The following IQSEC1 variants were observed in gnomAD, a reference collection of about 807,000 sequenced individuals.
IQSEC1 encodes IQ motif and SEC7 domain-containing protein 1.
Under a neutral mutation model 91.0 loss-of-function variants are expected in IQSEC1, and 31 were observed. The ratio of observed to expected loss-of-function variants is 0.34; its 90% CI spans 0.26 to 0.46. The LOEUF (loss-of-function observed/expected upper bound fraction) is 0.46. Ranked by LOEUF, IQSEC1 falls within the 20% of genes least tolerant of loss-of-function variation. The pLI, the probability that IQSEC1 is intolerant of heterozygous loss-of-function variation, is 1.00. For missense variants in IQSEC1, 1,388 were observed against 1,575.6 expected, an observed-to-expected ratio of 0.88 and a Z score of 2.02; for synonymous variants, 699 against 662.6, an observed-to-expected ratio of 1.05 and a Z score of -0.84.
Position 12,908,033 on chromosome 3 carries a change from G to A in IQSEC1, c.2755+316C>T, listed in dbSNP as rs180724871. On this transcript the variant is annotated intron_variant, in intron 12 of 13. Transcript: ENST00000613206. The surrounding 1 kb of genome is among the most constrained non-coding windows in gnomAD (Gnocchi z 4.9). ...ACGGGACACAGCCGCCGGCTCACTC[G>A]GGCTAGAGCGACTTCCCAGATCAAT... Among the ~76,000 whole-genome samples the A allele has an allele frequency of 8.5e-5, 13 of 152,304 alleles. No individual in the cohort carries two copies. Among genetic ancestry groups the A allele is most frequent in the African/African-American group, 3.1e-4 (13 of 41,558 alleles).
chr3:13,203,118 G>A (rs544910457), intron 1 of IQSEC1, among the ~76,000 whole-genome samples: 96 of 151,956 alleles, frequency 6.3e-4, no homozygotes, highest in African/African-American at 2.2e-3. Flanking sequence ...CGGAGGAGAG[G>A]CCAGGGTATT....
Position 12,913,439 on chromosome 3 carries a change from C to T in IQSEC1, c.2305G>A (p.Asp769Asn). 1.9e-6 allele frequency: 3 copies of T among 1,598,276 alleles called. No individual in the cohort carries two copies. Among genetic ancestry groups the T allele is most frequent in the Non-Finnish European group, 2.6e-6 (3 of 1,170,746 alleles). ...LHQREIFLFN[D>N]LLVVTKIFQK... ...GGTGAGCCACATACCACCAGGAGGT[C>T]GTTGAACAGGAAGATTTCTCGCTGG... Residue 769 changes from aspartate (D) to asparagine (N), a missense_variant, in exon 9 of 14, where the codon GAC becomes AAC. Coordinates refer to ENST00000613206, the MANE Select transcript of IQSEC1 (RefSeq NM_001134382.3).
rs1698690824 is a variant in IQSEC1 at position 12,940,946 on chromosome 3, G to A, written c.318+625C>T. ...GAGGCTACCTCTTGTCCTCCCTCAAGCCCAGCCCTAGGCACACTGTGGGTC... is the reference window on the plus strand; with the variant it reads ...GAGGCTACCTCTTGTCCTCCCTCAAACCCAGCCCTAGGCACACTGTGGGTC... On this transcript the variant is annotated intron_variant, in intron 2 of 13. Transcript: ENST00000613206. This position sits in a 1 kb window ranked among gnomAD's most constrained non-coding sequence, Gnocchi z 4.4. 6.6e-6 allele frequency among the ~76,000 whole-genome samples: 1 copy of A among 152,156 alleles called. No homozygotes were observed. Among genetic ancestry groups the A allele is most frequent in the African/African-American group, 2.4e-5 (1 of 41,448 alleles).
chr3:13,079,194 C>T (rs372033542), intron 2 of IQSEC1, among the ~76,000 whole-genome samples: 4 of 152,180 alleles, frequency 2.6e-5, no homozygotes, highest in East Asian at 1.9e-4. Flanking sequence ...GTGTGTAGGG[C>T]GGAGGGACCG....
At chr3:13,270,725 T>C (rs1192142704) in intron 1 of IQSEC1, among the ~76,000 whole-genome samples, 1 of 152,100 alleles carries the variant, frequency 6.6e-6, no homozygotes, top group Non-Finnish European at 1.5e-5. Context: ...AATGGAGGAA[T>C]ATAGGAAGAA....
At chr3:13,180,011 G>A (rs963309225) in intron 1 of IQSEC1, among the ~76,000 whole-genome samples, 1 of 151,776 alleles carries the variant, frequency 6.6e-6, no homozygotes, top group African/African-American at 2.4e-5. Flanking sequence ...CTCTCCGTGG[G>A]CTCCTGTGAG....
chr3:13,228,745 A>G (rs754478837), intron 1 of IQSEC1, among the ~76,000 whole-genome samples: 1 of 152,010 alleles, frequency 6.6e-6, no homozygotes, highest in Non-Finnish European at 1.5e-5. Context: ...TTAGCTCTCT[A>G]AACAAGAAAA....
At chr3:13,075,738 T>C (rs575497142), upstream of IQSEC1, among the ~76,000 whole-genome samples, 16 of 152,326 alleles carry the variant, frequency 1.1e-4, no homozygotes, top group African/African-American at 3.6e-4. Context: ...GGGTAGTGCC[T>C]ACAACCCACC....
intron 1 of IQSEC1, among the ~76,000 whole-genome samples, chr3:13,186,556 C>T (rs1012646903): frequency 2.6e-5 from 4 of 152,138 alleles, no homozygotes; most frequent in South Asian, 2.1e-4. Flanking sequence ...GGGTTGGTGC[C>T]GCCTGCCAGT....
chr3:12,994,424 C>T lies in IQSEC1; in HGVS notation c.24-52559G>A, dbSNP rs1013489052. Among the ~76,000 whole-genome samples the T allele has an allele frequency of 6.6e-6, 1 of 151,974 alleles. No individual in the cohort carries two copies. The highest frequency in any genetic ancestry group is 2.4e-5 in the African/African-American group (1 of 41,392). On this transcript the variant is annotated intron_variant, in intron 1 of 13. Coordinates refer to ENST00000613206, the MANE Select transcript of IQSEC1 (RefSeq NM_001134382.3). This position sits in a 1 kb window ranked among gnomAD's most constrained non-coding sequence, Gnocchi z 4.5. The stretch of plus-strand genomic sequence containing the variant: ...CCCGAGCCTGGACGAGTGGAGGGCG[C>T]TCAGGTCGGTGCAGCCGCTGCAGCG...
chr3:13,047,797 GA>G (rs1457088185), intron 1 of IQSEC1, among the ~76,000 whole-genome samples: 6 of 152,162 alleles, frequency 3.9e-5, no homozygotes, highest in Non-Finnish European at 5.9e-5. Context: ...TCAAGGAGAG[GA>G]AGCGCAGTGG....
chr3:13,165,204 C>G (rs1250557857), intron 1 of IQSEC1, among the ~76,000 whole-genome samples: 1 of 152,170 alleles, frequency 6.6e-6, no homozygotes, highest in Non-Finnish European at 1.5e-5. Flanking sequence ...CTAGAAGGAC[C>G]TTGGTCTCCC....
In IQSEC1 at chr3:12,967,258, A is replaced by G. The variant is rs1366321910; in HGVS notation, c.24-25393T>C. The stretch of plus-strand genomic sequence containing the variant: ...GGCGGACGCACCCCGCCCCGCAGGC[A>G]GCTTTCTCTCGCACGCCGGGCGCCC... On this transcript the variant is annotated intron_variant, in intron 1 of 13. Transcript: ENST00000613206. The surrounding 1 kb of genome is among the most constrained non-coding windows in gnomAD (Gnocchi z 5.9). 1.4e-6 allele frequency: 1 copy of G among 722,128 alleles called. No homozygotes were observed. The highest frequency in any genetic ancestry group is 2.1e-6 in the Non-Finnish European group (1 of 467,168). The allele number at this position is 722,128 out of a possible 1,614,324, so 44.7% of individuals were successfully genotyped here. A position where few individuals can be genotyped will look rare whatever the true frequency, so the allele number is the denominator to read the frequency against.
At chr3:13,171,423 G>A (rs1204781805) in intron 1 of IQSEC1, among the ~76,000 whole-genome samples, 1 of 152,170 alleles carries the variant, frequency 6.6e-6, no homozygotes, top group Non-Finnish European at 1.5e-5. Flanking sequence ...GTAATTCTGA[G>A]TTCTTTCTCT....
At chr3:13,191,669 T>G (rs899352491) in intron 1 of IQSEC1, among the ~76,000 whole-genome samples, 6 of 152,220 alleles carry the variant, frequency 3.9e-5, no homozygotes, top group African/African-American at 1.4e-4. Context: ...TTATTCTTAT[T>G]TCTTAGATAA....
intron 2 of IQSEC1, among the ~76,000 whole-genome samples, chr3:13,134,347 C>G (rs192898467): frequency 6.6e-6 from 1 of 152,236 alleles, no homozygotes; most frequent in Non-Finnish European, 1.5e-5. Flanking sequence ...TGATCCCATA[C>G]AGTGGGAGCC....
chr3:12,973,435 CCTTA>C (rs1384377827), intron 1 of IQSEC1, among the ~76,000 whole-genome samples: 3 of 152,190 alleles, frequency 2.0e-5, no homozygotes, highest in African/African-American at 4.8e-5. Context: ...AGCAAGAACC[CCTTA>C]CTTAAGACTG....
In IQSEC1 at chr3:12,924,594, G is replaced by A. The variant is rs375953005; in HGVS notation, c.1717C>T (p.Arg573Cys). The A allele has an allele frequency of 4.8e-5, 77 of 1,604,596 alleles. No homozygotes were observed. The highest frequency in any genetic ancestry group is 6.3e-5 in the Non-Finnish European group (74 of 1,174,526). Residue 573 changes from arginine (R) to cysteine (C), a missense_variant, in exon 4 of 14, where the codon CGT becomes TGT. Transcript: ENST00000613206. The surrounding 1 kb of genome is among the most constrained non-coding windows in gnomAD (Gnocchi z 6.3). ...FLGNRQKQFNRDVLDCVVDEM... is the reference protein window; with the variant it reads ...FLGNRQKQFNCDVLDCVVDEM... ...TGCAGAACTTACTCGAGCACGTCAC[G>A]GTTGAACTGCTTCTGCCGGTTGCCC...
At chr3:13,021,076 G>A (rs1703374154) in intron 1 of IQSEC1, among the ~76,000 whole-genome samples, 1 of 152,150 alleles carries the variant, frequency 6.6e-6, no homozygotes, top group African/African-American at 2.4e-5. Flanking sequence ...AAAATAATAT[G>A]CCCTTAGGCG....
Sources: allele counts gnomAD v4.1 joint callset (sites outside exome capture counted in the v4.1 genomes callset), GRCh38; gene constraint gnomAD v4.1.1; non-coding constraint Gnocchi (gnomAD v3.1); transcripts MANE v1.5; gene names NCBI Gene and HGNC (gene_info 2026-07-23, HGNC 2026-07-21).